CNGB3: variants seen among roughly 807,000 people sequenced by gnomAD.
CNGB3 encodes the protein cyclic nucleotide gated channel subunit beta 3.
In CNGB3, 86 loss-of-function variants were observed where a neutral mutation model predicts 92.8. The observed-to-expected ratio is 0.93, with a 90% CI of 0.78 to 1.11. CNGB3 has a LOEUF of 1.11. Among genes scored for constraint, CNGB3 ranks in the 50% least tolerant of loss-of-function variants. The pLI is 0.00. For missense variants in CNGB3, 1,026 were observed against 956.8 expected (o/e 1.07, Z -0.95); for synonymous variants, 333 against 332.7 (o/e 1.00, Z -0.01).
At chr8:86,656,791 C>T (rs1006681069) in intron 6 of CNGB3, among the ~76,000 whole-genome samples, 1 of 152,072 alleles carries the variant, frequency 6.6e-6, no homozygotes, top group African/African-American at 2.4e-5. Context: ...GAAGTTGCAT[C>T]ACCAGGGCAC....
intron 13 of CNGB3, among the ~76,000 whole-genome samples, chr8:86,619,032 G>T (rs1163169092): frequency 6.6e-6 from 1 of 152,184 alleles, no homozygotes; most frequent in Non-Finnish European, 1.5e-5. Context: ...TGTTGGGATG[G>T]GTTCTGCATA....
rs138432513 is a variant in CNGB3 at position 86,575,775 on chromosome 8, C to A, written c.*29G>T. 3.2e-3 allele frequency: 5,024 copies of A among 1,583,112 alleles called. 16 individuals are homozygous for A. Among genetic ancestry groups the A allele is most frequent in the Non-Finnish European group, 3.6e-3 (4,147 of 1,152,250 alleles). ...TAGGTACAATCACTTTGGGAACTAGCTATATCACATCTAAAGATAATCAAA... is the reference window on the plus strand; with the variant it reads ...TAGGTACAATCACTTTGGGAACTAGATATATCACATCTAAAGATAATCAAA... On this transcript the variant is annotated 3_prime_UTR_variant, in exon 18 of 18. Coordinates refer to ENST00000320005, the MANE Select transcript of CNGB3 (RefSeq NM_019098.5).
chr8:86,720,681 A>G lies in CNGB3; in HGVS notation c.338+5850T>C, dbSNP rs562525039. ...CGGAGGAAAAGAAGTCATTATAGCA[A>G]AAAGGTACTTGCGCATGCATGTTTA... On this transcript the variant is annotated intron_variant, in intron 3 of 17. Transcript: ENST00000320005. 2.2e-4 allele frequency among the ~76,000 whole-genome samples: 34 copies of G among 152,224 alleles called. No individual in the cohort carries two copies. The South Asian group carries it at 6.8e-3, about 31-fold the overall frequency.
At chr8:86,692,653 A>G (rs542086097) in intron 3 of CNGB3, among the ~76,000 whole-genome samples, 2 of 152,154 alleles carry the variant, frequency 1.3e-5, no homozygotes, top group Non-Finnish European at 2.9e-5. Context: ...GACAGCAGAC[A>G]CTTGGTTGGT....
chr8:86,599,021 T>A (rs1211781522), intron 15 of CNGB3, among the ~76,000 whole-genome samples: 1 of 152,156 alleles, frequency 6.6e-6, no homozygotes, highest in Non-Finnish European at 1.5e-5. Context: ...GACTGACCTG[T>A]GTGCACACAT....
chr8:86,608,044 C>A (rs990299223), intron 14 of CNGB3, among the ~76,000 whole-genome samples: 1 of 152,150 alleles, frequency 6.6e-6, no homozygotes, highest in South Asian at 2.1e-4. Flanking sequence ...GGGCGGCAAG[C>A]CACCCAGGTG....
intron 10 of CNGB3, among the ~76,000 whole-genome samples, chr8:86,641,827 TATAAC>T (rs1286754394): frequency 6.6e-6 from 1 of 151,924 alleles, no homozygotes; most frequent in Non-Finnish European, 1.5e-5. Context: ...TTTAGAAACT[TATAAC>T]AAATAATTAT....
intron 13 of CNGB3, among the ~76,000 whole-genome samples, chr8:86,620,234 T>A (rs1247396744): frequency 6.6e-6 from 1 of 152,198 alleles, no homozygotes; most frequent in African/African-American, 2.4e-5. Context: ...TCATTGGAAG[T>A]GTATTAGTTT....
intron 1 of CNGB3, among the ~76,000 whole-genome samples, chr8:86,741,188 G>C (rs1197865454): frequency 6.6e-6 from 1 of 152,074 alleles, no homozygotes; most frequent in Non-Finnish European, 1.5e-5. Flanking sequence ...TTTATTCATA[G>C]TTCAGAGGCT....
At chr8:86,670,280 T>C (rs1176157014) in intron 4 of CNGB3, among the ~76,000 whole-genome samples, 3 of 152,238 alleles carry the variant, frequency 2.0e-5, no homozygotes, top group African/African-American at 7.2e-5. Flanking sequence ...TTTTATAATA[T>C]GTACTTTGCA....
chr8:86,737,468 GGCCATTTGTTCAGA>G (rs1446759518), intron 2 of CNGB3, among the ~76,000 whole-genome samples: 9 of 151,894 alleles, frequency 5.9e-5, no homozygotes, highest in African/African-American at 2.2e-4. Context: ...ATGAGAGTGG[GGCCATTTGTTCAGA>G]GCGGTCCTTT....
intron 7 of CNGB3, 110 bp from the exon 8 acceptor site, chr8:86,647,997 T>C (rs1189591246): frequency 1.4e-5 from 11 of 777,742 alleles, no homozygotes; most frequent in Non-Finnish European, 2.6e-5. Context: ...TATTATTTGT[T>C]GTTTAATCCA....
At chr8:86,598,677 G>A (rs1465367544) in intron 15 of CNGB3, among the ~76,000 whole-genome samples, 1 of 152,034 alleles carries the variant, frequency 6.6e-6, no homozygotes, top group African/African-American at 2.4e-5. Context: ...GCATTTCTTG[G>A]CTATGGCTGC....
Position 86,615,598 on chromosome 8 carries a change from G to A in CNGB3, c.1579-3927C>T, listed in dbSNP as rs535918667. Among the ~76,000 whole-genome samples the A allele has an allele frequency of 5.9e-5, 9 of 151,930 alleles. No homozygotes were observed. In the East Asian group the frequency reaches 1.5e-3, roughly 26 times the overall value. On this transcript the variant is annotated intron_variant, in intron 13 of 17. Coordinates refer to ENST00000320005, the MANE Select transcript of CNGB3 (RefSeq NM_019098.5). ...AGCCTGGGTGACAGAGTGAGACCCT[G>A]TCTTAAAAAAATAAATTAATTGACT...
intron 13 of CNGB3, 63 bp from the exon 14 acceptor site, chr8:86,611,734 A>C: frequency 8.7e-7 from 1 of 1,155,858 alleles, no homozygotes; most frequent in Non-Finnish European, 1.3e-6. Flanking sequence ...AAATGAATTC[A>C]AAACTCAATG....
Position 86,626,067 on chromosome 8 carries a change from C to T in CNGB3, c.1494G>A (p.Leu498=). 1 of 1,612,214 alleles carries T rather than the reference C, an allele frequency of 6.2e-7. No individual in the cohort carries two copies. Among genetic ancestry groups the T allele is most frequent in the Middle Eastern group, 1.7e-4 (1 of 6,050 alleles). The change falls in exon 13 of 18, where the codon TTG becomes TTA. Residue 498 remains leucine, a synonymous_variant. Coordinates refer to ENST00000320005, the MANE Select transcript of CNGB3 (RefSeq NM_019098.5). ...GGACCGTAGTTGGTAGGGTCTTAAGCAAATCAGACTCATCTTTATAAAGAT... is the reference window on the plus strand; with the variant it reads ...GGACCGTAGTTGGTAGGGTCTTAAGTAAATCAGACTCATCTTTATAAAGAT... ...DSQRMLDESD[L]LKTLPTTVQL...
At chr8:86,583,541 G>T (rs1242055274) in intron 15 of CNGB3, among the ~76,000 whole-genome samples, 1 of 152,140 alleles carries the variant, frequency 6.6e-6, no homozygotes, top group Admixed American at 6.5e-5. Flanking sequence ...GAGGAAACTG[G>T]TGTAAGGCCA....
chr8:86,645,388 C>A (rs1049426662), intron 8 of CNGB3, among the ~76,000 whole-genome samples: 2 of 151,148 alleles, frequency 1.3e-5, no homozygotes, highest in Admixed American at 1.3e-4. Flanking sequence ...AGCAAAATGC[C>A]AGTTCTATCT....
In CNGB3 at chr8:86,667,022, T is replaced by TA; in HGVS notation, c.754dup (p.Tyr252LeufsTer10). 6.2e-7 allele frequency: 1 copy of TA among 1,613,894 alleles called. No homozygotes were observed. Among genetic ancestry groups the TA allele is most frequent in the Non-Finnish European group, 8.5e-7 (1 of 1,179,924 alleles). On this transcript the variant is annotated frameshift_variant, in exon 6 of 18. Coordinates refer to ENST00000320005, the MANE Select transcript of CNGB3 (RefSeq NM_019098.5). LOFTEE classifies it high-confidence loss of function. The stretch of plus-strand genomic sequence containing the variant: ...ACATATGATGTCCGCAATAAGCCAG[T>TA]AGTGTATGTTGTCTGCGGTTTGATA...
Sources: allele counts gnomAD v4.1 joint callset (sites outside exome capture counted in the v4.1 genomes callset), GRCh38; gene constraint gnomAD v4.1.1; transcripts MANE v1.5; gene names NCBI Gene and HGNC (gene_info 2026-07-23, HGNC 2026-07-21).